LRRC4C: variants seen among roughly 807,000 people sequenced by gnomAD.
LRRC4C encodes leucine-rich repeat-containing protein 4C.
In LRRC4C, 5 loss-of-function variants were observed where a neutral mutation model predicts 33.6. That is an observed-to-expected ratio of 0.15 (90% confidence interval 0.08 to 0.31). LRRC4C has a LOEUF of 0.31. Among genes scored for constraint, LRRC4C ranks in the 10% least tolerant of loss-of-function variants. LRRC4C has a pLI of 1.00. For synonymous variants in LRRC4C, 329 were observed against 302.0 expected (o/e 1.09, Z -0.93); for missense variants, 560 against 796.7 (o/e 0.70, Z 3.58).
At chr11:40,392,913 G>C (rs751693650) in intron 3 of LRRC4C, among the ~76,000 whole-genome samples, 3 of 152,022 alleles carry the variant, frequency 2.0e-5, no homozygotes, top group Non-Finnish European at 2.9e-5. Flanking sequence ...GTGGGATAAA[G>C]AACCAGGGCT....
At chr11:40,790,514 A>C (rs1321548306) in intron 2 of LRRC4C, among the ~76,000 whole-genome samples, 4 of 152,140 alleles carry the variant, frequency 2.6e-5, no homozygotes, top group African/African-American at 9.7e-5. Flanking sequence ...CGGTGGCATA[A>C]ATTCTCTCCA....
chr11:41,116,126 G>T (rs1942109786), intron 1 of LRRC4C, among the ~76,000 whole-genome samples: 1 of 152,020 alleles, frequency 6.6e-6, no homozygotes, highest in African/African-American at 2.4e-5. Flanking sequence ...AATATAAATG[G>T]ATATGTATAT....
At chr11:40,165,740 G>A (rs535168209) in intron 5 of LRRC4C, among the ~76,000 whole-genome samples, 34 of 152,194 alleles carry the variant, frequency 2.2e-4, no homozygotes, top group Non-Finnish European at 4.4e-4. Context: ...GAGGTCGGGA[G>A]TTCAAGACCA....
chr11:40,379,024 A>G (rs1948763405), intron 3 of LRRC4C, among the ~76,000 whole-genome samples: 1 of 152,166 alleles, frequency 6.6e-6, no homozygotes, highest in African/African-American at 2.4e-5. Flanking sequence ...CCAAGGGAGG[A>G]AGTATGACTT....
chr11:40,696,615 A>G (rs1203980285), intron 2 of LRRC4C, among the ~76,000 whole-genome samples: 1 of 149,754 alleles, frequency 6.7e-6, no homozygotes, highest in Non-Finnish European at 1.5e-5. Flanking sequence ...CAAGGCAACA[A>G]AGTGTCTTAG....
chr11:40,892,718 T>G (rs1018370814), intron 2 of LRRC4C, among the ~76,000 whole-genome samples: 3 of 152,190 alleles, frequency 2.0e-5, no homozygotes, highest in African/African-American at 7.2e-5. Context: ...GCTTCACTTA[T>G]TAGGTACCTA....
rs377683304 is a variant in LRRC4C at position 41,402,710 on chromosome 11, TGAA to T, written c.-496+56718_-496+56720del. On this transcript the variant is annotated intron_variant, in intron 1 of 6. Transcript: ENST00000528697. ...ATAATAATATTTAGAAAGGAAAAAATGAAGAAGAACTCCAGACAGAGTAAATAC... is the reference window on the plus strand; with the variant it reads ...ATAATAATATTTAGAAAGGAAAAAATGAAGAACTCCAGACAGAGTAAATAC... Among the ~76,000 whole-genome samples, 21 of 151,838 alleles carry T rather than the reference TGAA, an allele frequency of 1.4e-4. No individual in the cohort carries two copies. The East Asian group carries it at 2.9e-3, about 21-fold the overall frequency.
intron 4 of LRRC4C, among the ~76,000 whole-genome samples, chr11:40,264,723 G>C (rs998095895): frequency 6.6e-6 from 1 of 152,074 alleles, no homozygotes; most frequent in African/African-American, 2.4e-5. Context: ...TTTGTCCTTG[G>C]GATAAATTGT....
At chr11:41,019,196 C>G (rs919552699) in intron 1 of LRRC4C, among the ~76,000 whole-genome samples, 6 of 152,042 alleles carry the variant, frequency 3.9e-5, no homozygotes, top group Admixed American at 2.6e-4. Context: ...CAACAGGCCA[C>G]AGTGTGTGTT....
In LRRC4C at chr11:40,936,060, AT is replaced by A. The variant is rs1565219391; in HGVS notation, c.-495-2338del. On this transcript the variant is annotated intron_variant, in intron 1 of 6. Transcript: ENST00000528697. ...TATATATATATATATATATATATAT[AT>A]ATATAACATAGTTTGAACCTTAACT... 9.3e-3 allele frequency among the ~76,000 whole-genome samples: 960 copies of A among 103,082 alleles called. 52 individuals are homozygous for A. The highest frequency in any genetic ancestry group is 0.014 in the South Asian group (44 of 3,182). 67.6% of individuals were successfully genotyped at this position (103,082 alleles called of 152,430 possible).
chr11:40,586,795 C>T (rs573614073), intron 3 of LRRC4C, among the ~76,000 whole-genome samples: 115 of 151,976 alleles, frequency 7.6e-4, no homozygotes, highest in African/African-American at 2.4e-3. Context: ...ATATATGCGG[C>T]GTTATTTCTG....
intron 1 of LRRC4C, among the ~76,000 whole-genome samples, chr11:41,188,707 A>C (rs1454329323): frequency 5.8e-5 from 2 of 34,668 alleles, no homozygotes; most frequent in Admixed American, 2.4e-4. Flanking sequence ...AAAAGAAGCA[A>C]AAAAAAAAAA....
chr11:40,305,100 A>G (rs892457951), intron 4 of LRRC4C, among the ~76,000 whole-genome samples: 1 of 152,174 alleles, frequency 6.6e-6, no homozygotes, highest in Non-Finnish European at 1.5e-5. Context: ...GCATATGGGC[A>G]TTCTTTTAGT....
chr11:40,432,380 T>A (rs75083752), intron 3 of LRRC4C, among the ~76,000 whole-genome samples: 5 of 152,198 alleles, frequency 3.3e-5, no homozygotes, highest in Non-Finnish European at 7.3e-5. Context: ...TGTTATAACA[T>A]GTTCTGTGCC....
At chr11:40,786,540 T>C (rs1257496865) in intron 2 of LRRC4C, among the ~76,000 whole-genome samples, 3 of 152,176 alleles carry the variant, frequency 2.0e-5, no homozygotes, top group African/African-American at 7.2e-5. Context: ...GTATATCATA[T>C]ACCTCTGAGA....
At chr11:40,630,543 C>T (rs1483874382) in intron 3 of LRRC4C, among the ~76,000 whole-genome samples, 1 of 151,884 alleles carries the variant, frequency 6.6e-6, no homozygotes, top group African/African-American at 2.4e-5. Context: ...AAAACATGTT[C>T]TCTCATTATC....
intron 1 of LRRC4C, among the ~76,000 whole-genome samples, chr11:41,060,461 G>A (rs1429638345): frequency 1.3e-5 from 2 of 152,152 alleles, no homozygotes; most frequent in Non-Finnish European, 2.9e-5. Flanking sequence ...TTTCTGGCGA[G>A]TACCCTCTTC....
At chr11:40,424,858 G>A (rs539525301) in intron 3 of LRRC4C, among the ~76,000 whole-genome samples, 3 of 152,284 alleles carry the variant, frequency 2.0e-5, no homozygotes, top group Non-Finnish European at 2.9e-5. Flanking sequence ...GGACTTCGAC[G>A]TTTTAATTTA....
chr11:41,279,428 A>ACACACACACAC (rs58139193), intron 1 of LRRC4C, among the ~76,000 whole-genome samples: 1 of 140,788 alleles, frequency 7.1e-6, no homozygotes, highest in Non-Finnish European at 1.5e-5. Context: ...ACACACACAC[A>ACACACACACAC]CCGTGGCAAT....
Sources: gnomAD v4.1 joint callset for allele counts (sites outside exome capture counted in the v4.1 genomes callset) on GRCh38, gnomAD v4.1.1 for gene constraint, MANE v1.5 for transcripts, NCBI Gene and HGNC (gene_info 2026-07-23, HGNC 2026-07-21) for gene names.